NEXMIF: variants seen among roughly 807,000 people sequenced by gnomAD.
NEXMIF encodes the protein neurite extension and migration factor, also known as XLMR protein related to neurite extension.
In NEXMIF, 8 loss-of-function variants were observed where a neutral mutation model predicts 62.1. The ratio of observed to expected loss-of-function variants is 0.13; its 90% CI spans 0.08 to 0.23. NEXMIF has a LOEUF of 0.23. Among genes scored for constraint, NEXMIF ranks in the 10% least tolerant of loss-of-function variants. NEXMIF has a pLI of 1.00. For missense variants in NEXMIF, 976 were observed against 1,113.3 expected (o/e 0.88, Z 1.75); for synonymous variants, 404 against 416.6 (o/e 0.97, Z 0.37).
intron 1 of NEXMIF, among the ~76,000 whole-genome samples, chrX:74,751,174 G>C (rs992890850): frequency 1.7e-4 from 19 of 111,169 alleles, no homozygotes; most frequent in African/African-American, 5.9e-4. Context: ...AAGCCACAGT[G>C]AGCCAAGATC....
At chrX:74,815,449 G>T (rs1029964809) in intron 1 of NEXMIF, among the ~76,000 whole-genome samples, 4 of 110,700 alleles carry the variant, frequency 3.6e-5, no homozygotes, top group Non-Finnish European at 7.6e-5. Context: ...GTTAAGGCAA[G>T]AACTTTCTAG....
At chrX:74,819,945 C>T (rs2080389283) in intron 1 of NEXMIF, among the ~76,000 whole-genome samples, 1 of 111,865 alleles carries the variant, frequency 8.9e-6, no homozygotes, top group African/African-American at 3.3e-5. Flanking sequence ...CTGAAATGTC[C>T]ATCAATGATA....
At position 74,818,253 on chromosome X, in the gene NEXMIF, T is replaced by A. The variant is rs182531712; in HGVS notation, c.-47-72556A>T. On this transcript the variant is annotated intron_variant, in intron 1 of 3. Transcript: ENST00000055682. ...CTACAAGGTTACAGTAACCAAAACATGGTACTGGTACAAAAACAGACACAT... is the reference window on the plus strand; with the variant it reads ...CTACAAGGTTACAGTAACCAAAACAAGGTACTGGTACAAAAACAGACACAT... Among the ~76,000 whole-genome samples, 510 of 111,372 alleles carry A rather than the reference T, an allele frequency of 4.6e-3. 1 individual carries two copies. Among genetic ancestry groups the A allele is most frequent in the African/African-American group, 0.016 (491 of 30,705 alleles).
chrX:74,890,968 G>A (rs1178282582), intron 1 of NEXMIF, among the ~76,000 whole-genome samples: 1 of 111,764 alleles, frequency 8.9e-6, no homozygotes, highest in African/African-American at 3.2e-5. Flanking sequence ...CAGACCTAGA[G>A]TGGGTGTGTG....
chrX:74,826,271 T>C (rs2080416843), intron 1 of NEXMIF, among the ~76,000 whole-genome samples: 1 of 112,339 alleles, frequency 8.9e-6, no homozygotes, highest in South Asian at 3.7e-4. Context: ...ATCAGTGATA[T>C]TGAGCTTTTT....
At chrX:74,910,654 G>A (rs2080785968) in intron 1 of NEXMIF, among the ~76,000 whole-genome samples, 1 of 111,700 alleles carries the variant, frequency 9.0e-6, no homozygotes, top group African/African-American at 3.3e-5. Context: ...GGGATGGAAT[G>A]TTATGGTTTG....
intron 1 of NEXMIF, among the ~76,000 whole-genome samples, chrX:74,812,630 TAGTC>T (rs913241684): frequency 9.0e-6 from 1 of 111,105 alleles, no homozygotes; most frequent in Non-Finnish European, 1.9e-5. Context: ...CCAGAAAAGA[TAGTC>T]AGGGCTGCAA....
intron 1 of NEXMIF, among the ~76,000 whole-genome samples, chrX:74,876,506 T>C (rs1489497106): frequency 9.1e-6 from 1 of 109,507 alleles, no homozygotes; most frequent in East Asian, 2.8e-4. Context: ...GTCTATTAGG[T>C]TCGCTTGGTG....
At chrX:74,884,360 A>G (rs1244635021) in intron 1 of NEXMIF, among the ~76,000 whole-genome samples, 1 of 111,894 alleles carries the variant, frequency 8.9e-6, no homozygotes, top group African/African-American at 3.3e-5. Flanking sequence ...CAAATTGGAT[A>G]AAGAGTCAAG....
intron 1 of NEXMIF, among the ~76,000 whole-genome samples, chrX:74,873,611 T>C (rs1015559879): frequency 6.3e-5 from 7 of 111,579 alleles, no homozygotes; most frequent in African/African-American, 1.3e-4. Flanking sequence ...CCACCAACAG[T>C]GTAAAAGTGT....
At chrX:74,802,188 TGTGGAGTCCCAG>T (rs1172563766) in intron 1 of NEXMIF, among the ~76,000 whole-genome samples, 14 of 111,232 alleles carry the variant, frequency 1.3e-4, no homozygotes, top group African/African-American at 4.6e-4. Flanking sequence ...ACATATTGAT[TGTGGAGTCCCAG>T]GTACTCTGAA....
At chrX:74,804,097 A>C (rs1050190532) in intron 1 of NEXMIF, among the ~76,000 whole-genome samples, 1 of 112,290 alleles carries the variant, frequency 8.9e-6, no homozygotes, top group East Asian at 2.8e-4. Context: ...TAACTACAAC[A>C]ACTTTTGAAG....
chrX:74,754,187 T>C (rs1014266715), intron 1 of NEXMIF, among the ~76,000 whole-genome samples: 13 of 110,086 alleles, frequency 1.2e-4, no homozygotes, highest in Non-Finnish European at 1.9e-5. Context: ...GTCTTGAACT[T>C]CTGACCTCAG....
At position 74,822,214 on chromosome X, in the gene NEXMIF, G is replaced by A. The variant is rs1204541665; in HGVS notation, c.-47-76517C>T. On this transcript the variant is annotated intron_variant, in intron 1 of 3. Coordinates refer to ENST00000055682, the MANE Select transcript of NEXMIF (RefSeq NM_001008537.3). Reference sequence around the variant, plus strand: ...ACAAAGTGAATCAAAGACCCAAACGGAAGAGCTAAAACTACAAAACCCTCA... The same window carrying A: ...ACAAAGTGAATCAAAGACCCAAACGAAAGAGCTAAAACTACAAAACCCTCA... Among the ~76,000 whole-genome samples, 3 of 111,658 alleles carry A rather than the reference G, an allele frequency of 2.7e-5. No homozygotes were observed. In the Admixed American group the frequency reaches 2.9e-4, roughly 11 times the overall value.
Position 74,865,133 on chromosome X carries a change from G to A in NEXMIF, c.-48+59750C>T, listed in dbSNP as rs749422981. On this transcript the variant is annotated intron_variant, in intron 1 of 3. Transcript: ENST00000055682. ...CAACTTTTGTACTGCTTAGTAAGTA[G>A]AGGTTGGAACAGTTTGGAGTGCTCA... Among the ~76,000 whole-genome samples the A allele has an allele frequency of 4.5e-5, 5 of 112,291 alleles. No individual in the cohort carries two copies. The South Asian group carries it at 1.8e-3, about 41-fold the overall frequency.
intron 1 of NEXMIF, among the ~76,000 whole-genome samples, chrX:74,870,726 C>A (rs1602257642): frequency 8.9e-6 from 1 of 111,789 alleles, no homozygotes; most frequent in East Asian, 2.8e-4. Flanking sequence ...TCAACATCAT[C>A]AATCATCAGA....
intron 1 of NEXMIF, among the ~76,000 whole-genome samples, chrX:74,924,255 C>G (rs981019000): frequency 4.1e-5 from 4 of 97,342 alleles, no homozygotes; most frequent in African/African-American, 1.2e-4. Flanking sequence ...AGAAAAGCGT[C>G]AATTCGACCG....
intron 1 of NEXMIF, among the ~76,000 whole-genome samples, chrX:74,869,586 A>G (rs1191448605): frequency 2.7e-5 from 3 of 112,201 alleles, no homozygotes. Context: ...ATGACTCCAC[A>G]AAAAACAATT....
intron 1 of NEXMIF, among the ~76,000 whole-genome samples, chrX:74,873,950 C>T (rs1216201072): frequency 1.8e-5 from 2 of 111,331 alleles, no homozygotes; most frequent in Non-Finnish European, 3.8e-5. Flanking sequence ...GCTGCCTGTT[C>T]ACTCTGATGG....
Sources: allele counts gnomAD v4.1 joint callset (sites outside exome capture counted in the v4.1 genomes callset), GRCh38; gene constraint gnomAD v4.1.1; transcripts MANE v1.5; gene names NCBI Gene and HGNC (gene_info 2026-07-23, HGNC 2026-07-21).